Variants in DGKG observed in about 807,000 individuals in gnomAD.
The protein encoded by DGKG is DAG kinase gamma.
DGKG carries 78 observed loss-of-function variants against 105.3 expected under a neutral mutation model. The ratio of observed to expected loss-of-function variants is 0.74; its 90% confidence interval spans 0.62 to 0.89. The LOEUF (loss-of-function observed/expected upper bound fraction) is 0.89, where lower values mean the gene tolerates loss of function less well. Among genes scored for constraint, DGKG ranks in the 40% least tolerant of loss-of-function variants. DGKG has a pLI of 0.00. For synonymous variants in DGKG, 346 were observed against 367.1 expected (o/e 0.94, Z 0.66); for missense variants, 958 against 1,020.1 (o/e 0.94, Z 0.83).
chr3:186,174,385 C>T (rs766993191), intron 22 of DGKG, among the ~76,000 whole-genome samples: 1 of 151,390 alleles, frequency 6.6e-6, no homozygotes, highest in African/African-American at 2.4e-5. Flanking sequence ...ATTAATGTAA[C>T]TTAGAGAAGG....
At chr3:186,290,138 G>A (rs1175149570) in intron 5 of DGKG, among the ~76,000 whole-genome samples, 1 of 152,228 alleles carries the variant, frequency 6.6e-6, no homozygotes, top group Non-Finnish European at 1.5e-5. Context: ...CAGAAGACCA[G>A]ATTTTCAAAA....
rs989735932 is a variant in DGKG, at chr3:186,338,690, T to C, written c.-248-17983A>G. Among the ~76,000 whole-genome samples the C allele has an allele frequency of 3.3e-5, 5 of 152,204 alleles. No homozygotes were observed. In the South Asian group the frequency reaches 8.3e-4, roughly 25 times the overall value. ...AAAAGGGAATGTATTAATGTATTAT[T>C]TATACTTTTTAAAAATTTGAAGGAA... is the stretch of plus-strand genomic sequence containing the variant. On this transcript the variant is annotated intron_variant, in intron 1 of 24. Transcript: ENST00000265022.
intron 11 of DGKG, among the ~76,000 whole-genome samples, chr3:186,270,728 G>T (rs1722275147): frequency 1.3e-5 from 2 of 152,336 alleles, no homozygotes; most frequent in Admixed American, 6.5e-5. Flanking sequence ...GCCAAGTAGG[G>T]TTTCCTAGCC....
intron 10 of DGKG, 61 bp downstream of exon 10, chr3:186,275,486 A>G: frequency 7.1e-7 from 1 of 1,413,102 alleles, no homozygotes; most frequent in African/African-American, 1.4e-5. Context: ...CAATGGATCA[A>G]CCAACCATGC....
intron 13 of DGKG, among the ~76,000 whole-genome samples, chr3:186,265,607 A>C (rs1358430148): frequency 6.8e-6 from 1 of 147,326 alleles, no homozygotes; most frequent in Admixed American, 6.8e-5. Flanking sequence ...TAGAAGCTTG[A>C]GCTCTGAGAA....
chr3:186,319,634 C>T (rs143437473), intron 2 of DGKG, among the ~76,000 whole-genome samples: 145 of 152,294 alleles, frequency 9.5e-4, no homozygotes, highest in African/African-American at 3.2e-3. Context: ...GGGTAAGTGA[C>T]GGTCACTCTG....
In DGKG at chr3:186,288,702, G is replaced by A. The variant is rs775179614; in HGVS notation, c.544+8C>T. 8 of 1,613,674 alleles carry A rather than the reference G, an allele frequency of 5.0e-6. No individual in the cohort carries two copies. In the African/African-American group the frequency reaches 8.0e-5, roughly 16 times the overall value. ...AAGCTGAAGCCCCTTGACAGGGTGA[G>A]CACTTACACTCCAGCTTATCCTGAG... On this transcript the variant is annotated splice_region_variant and intron_variant, in intron 6 of 24. Coordinates refer to ENST00000265022, the MANE Select transcript of DGKG (RefSeq NM_001346.3).
At chr3:186,192,893 T>A (rs889484624) in intron 21 of DGKG, among the ~76,000 whole-genome samples, 11 of 152,172 alleles carry the variant, frequency 7.2e-5, no homozygotes, top group African/African-American at 2.2e-4. Flanking sequence ...ACCAGCACAG[T>A]CCTTGACAAA....
At position 186,251,652 on chromosome 3, in the gene DGKG, G is replaced by A. The variant is rs555506159; in HGVS notation, c.1761+107C>T. On this transcript the variant is annotated intron_variant, in intron 19 of 24. Transcript: ENST00000265022. ...TTGGACCCAACTCAGGGCTGGGGGG[G>A]CAGGTAAGACAGGTAGACACTAGGG... 962 of 1,302,174 alleles carry A rather than the reference G, an allele frequency of 7.4e-4. 1 individual carries two copies. The highest frequency in any genetic ancestry group is 9.4e-4 in the Non-Finnish European group (865 of 919,220). 80.7% of individuals were successfully genotyped at this position (1,302,174 alleles called of 1,614,324 possible). A position where few individuals can be genotyped will look rare whatever the true frequency, so the allele number is the denominator to read the frequency against.
intron 21 of DGKG, among the ~76,000 whole-genome samples, chr3:186,204,945 CT>C (rs955788622): frequency 1.3e-5 from 2 of 152,088 alleles, no homozygotes; most frequent in Non-Finnish European, 2.9e-5. Flanking sequence ...TTTCATGGAA[CT>C]CCATAGGGCA....
chr3:186,230,474 A>C (rs1009060940), intron 20 of DGKG, among the ~76,000 whole-genome samples: 5 of 152,132 alleles, frequency 3.3e-5, no homozygotes, highest in African/African-American at 1.2e-4. Flanking sequence ...GGGGAAGGTG[A>C]GAGTAACAGA....
At chr3:186,297,541 G>T in intron 4 of DGKG, 58 bp from the exon 5 acceptor site, 2 of 1,228,110 alleles carry the variant, frequency 1.6e-6, no homozygotes, top group Non-Finnish European at 2.4e-6. Context: ...TCTTGGAAGG[G>T]CAGGTACAGG....
chr3:186,275,407 T>C (rs1339009988), intron 10 of DGKG, 140 bp downstream of exon 10: 1 of 730,742 alleles, frequency 1.4e-6, no homozygotes, highest in Non-Finnish European at 2.4e-6. Context: ...GGCCTCGCTT[T>C]ATTCCTTCTG....
At chr3:186,320,361 C>A (rs200254743) in intron 2 of DGKG, 32 bp downstream of exon 2, 23 of 1,613,376 alleles carry the variant, frequency 1.4e-5, no homozygotes, top group Non-Finnish European at 1.8e-5. Flanking sequence ...AAGAAGAAAT[C>A]CCGTCCCAGG....
intron 1 of DGKG, among the ~76,000 whole-genome samples, chr3:186,346,449 T>G (rs1436265666): frequency 2.0e-5 from 3 of 152,252 alleles, no homozygotes; most frequent in Admixed American, 1.3e-4. Flanking sequence ...ATTTACTCCC[T>G]TATTTTACAT....
At chr3:186,269,476 G>T (rs1352480333) in intron 11 of DGKG, among the ~76,000 whole-genome samples, 1 of 152,210 alleles carries the variant, frequency 6.6e-6, no homozygotes, top group Non-Finnish European at 1.5e-5. Context: ...GGCCTCCCTG[G>T]TGCAGTCCTG....
At chr3:186,278,553 G>T (rs1722689860) in intron 9 of DGKG, among the ~76,000 whole-genome samples, 1 of 152,162 alleles carries the variant, frequency 6.6e-6, no homozygotes, top group Non-Finnish European at 1.5e-5. Flanking sequence ...GGACCACAAA[G>T]ATCTTTTCCA....
In DGKG at chr3:186,298,075, G is replaced by T; in HGVS notation, c.299C>A (p.Ala100Asp). 2 of 1,610,710 alleles carry T rather than the reference G, an allele frequency of 1.2e-6. No individual in the cohort carries two copies. Among genetic ancestry groups the T allele is most frequent in the Non-Finnish European group, 1.7e-6 (2 of 1,178,514 alleles). Residue 100 changes from alanine to aspartate, a missense_variant, in exon 4 of 25, where the codon GCC becomes GAC. Coordinates refer to ENST00000265022, the MANE Select transcript of DGKG (RefSeq NM_001346.3). ...HPTEGASNSE[A>D]NSADTNIQNA... is the part of the protein sequence containing the mutation. Reference sequence around the variant, plus strand: ...AAAGCTCTGTGTACCTGCGCTGTTGGCCTCACTGTTGCTGGCTCCCTCCGT... The same window carrying T: ...AAAGCTCTGTGTACCTGCGCTGTTGTCCTCACTGTTGCTGGCTCCCTCCGT...
At chr3:186,310,278 A>AAAAAAAAC (rs1724468171) in intron 2 of DGKG, among the ~76,000 whole-genome samples, 1 of 148,948 alleles carries the variant, frequency 6.7e-6, no homozygotes, top group Non-Finnish European at 1.5e-5. Flanking sequence ...AAAAAAAAAA[A>AAAAAAAAC]AAAAAAAAAA....
Sources: gnomAD v4.1 joint callset for allele counts (sites outside exome capture counted in the v4.1 genomes callset) on GRCh38, gnomAD v4.1.1 for gene constraint, MANE v1.5 for transcripts, NCBI Gene and HGNC (gene_info 2026-07-23, HGNC 2026-07-21) for gene names.